Variants in DLG2 observed in about 807,000 individuals in gnomAD.
DLG2 encodes the protein discs large MAGUK scaffold protein 2, also known as disks large homolog 2.
DLG2 carries 45 observed loss-of-function variants against 132.5 expected under a neutral mutation model. The observed-to-expected ratio is 0.34, with a 90% confidence interval of 0.27 to 0.44. The LOEUF is 0.44. Ranked by LOEUF, DLG2 falls within the 20% of genes least tolerant of loss-of-function variation. The probability of loss-of-function intolerance (pLI) is 1.00; values close to 1 mark genes in which losing one functional copy is unlikely to be tolerated. For missense variants in DLG2, 1,045 were observed against 1,196.9 expected (o/e 0.87, Z 1.87); for synonymous variants, 424 against 419.6 (o/e 1.01, Z -0.13).
intron 7 of DLG2, among the ~76,000 whole-genome samples, chr11:84,501,393 C>A (rs138579602): frequency 6.6e-6 from 1 of 152,176 alleles, no homozygotes; most frequent in East Asian, 1.9e-4. Context: ...GGCGAAAACC[C>A]GTCTTGACTA....
intron 3 of DLG2, among the ~76,000 whole-genome samples, chr11:85,548,858 G>A (rs1389404403): frequency 1.3e-5 from 2 of 152,110 alleles, no homozygotes; most frequent in Non-Finnish European, 2.9e-5. Flanking sequence ...CTCGAGCATC[G>A]CGGGTCAAGC....
At chr11:85,373,646 A>C (rs2085166200) in intron 3 of DLG2, among the ~76,000 whole-genome samples, 1 of 152,150 alleles carries the variant, frequency 6.6e-6, no homozygotes, top group Non-Finnish European at 1.5e-5. Context: ...CTGCAATTCA[A>C]GAGGCAGGCA....
intron 4 of DLG2, among the ~76,000 whole-genome samples, chr11:85,279,405 CAG>C (rs2078095133): frequency 6.6e-6 from 1 of 152,044 alleles, no homozygotes; most frequent in Non-Finnish European, 1.5e-5. Flanking sequence ...AGAAAGGAAA[CAG>C]AAGGGAAAAC....
At chr11:85,017,492 A>G (rs1301665574) in intron 6 of DLG2, among the ~76,000 whole-genome samples, 3 of 152,004 alleles carry the variant, frequency 2.0e-5, no homozygotes, top group African/African-American at 7.2e-5. Flanking sequence ...AAACTAATTG[A>G]CTCATCTTTA....
chr11:84,727,121 T>C (rs948003446), intron 6 of DLG2, among the ~76,000 whole-genome samples: 7 of 152,236 alleles, frequency 4.6e-5, no homozygotes, highest in African/African-American at 1.7e-4. Context: ...TTTGTCAATT[T>C]TGGCTTTTGT....
chr11:85,389,829 C>A (rs1257707936), intron 3 of DLG2, among the ~76,000 whole-genome samples: 2 of 152,118 alleles, frequency 1.3e-5, no homozygotes, highest in African/African-American at 4.8e-5. Flanking sequence ...TTCTCCACTA[C>A]CAAGCCAGCA....
rs1191725907 is a variant in DLG2, at chr11:85,392,865, C to T, written c.41-107500G>A. ...GACTGAAATATAAGAGCTGAAACCA[C>T]AAAAATTCTAGAAGATAACATCGGA... On this transcript the variant is annotated intron_variant, in intron 3 of 27. Coordinates refer to ENST00000376104, the MANE Select transcript of DLG2 (RefSeq NM_001142699.3). Among the ~76,000 whole-genome samples the T allele has an allele frequency of 2.0e-5, 3 of 152,120 alleles. No homozygotes were observed. In the South Asian group the frequency reaches 6.2e-4, roughly 32 times the overall value.
chr11:85,472,210 C>T (rs534999578), intron 3 of DLG2, among the ~76,000 whole-genome samples: 1 of 152,324 alleles, frequency 6.6e-6, no homozygotes, highest in South Asian at 2.1e-4. Flanking sequence ...ATTCTGAGCC[C>T]ATAAAAACCT....
intron 3 of DLG2, among the ~76,000 whole-genome samples, chr11:85,361,815 A>G (rs956281656): frequency 2.0e-5 from 3 of 151,854 alleles, no homozygotes; most frequent in Non-Finnish European, 2.9e-5. Flanking sequence ...GAATTTGGGG[A>G]TTGTTTTTTC....
rs1427627660 is a variant in DLG2 at position 84,105,602 on chromosome 11, T to C, written c.625-6555A>G. 5.3e-5 allele frequency among the ~76,000 whole-genome samples: 8 copies of C among 152,162 alleles called. No homozygotes were observed. In the East Asian group the frequency reaches 1.5e-3, roughly 29 times the overall value. On this transcript the variant is annotated intron_variant, in intron 9 of 27. Transcript: ENST00000376104. The stretch of plus-strand genomic sequence containing the variant: ...TGCATTTTAACCTACACTGATAATA[T>C]ATGTTACTTTTCTTTGTTAAAACAA...
intron 6 of DLG2, among the ~76,000 whole-genome samples, chr11:84,719,157 G>A (rs1000232548): frequency 7.2e-5 from 11 of 152,026 alleles, no homozygotes; most frequent in Admixed American, 2.0e-4. Context: ...CAATTTTTCC[G>A]TTAAGCTTAC....
At chr11:84,060,072 G>A (rs962255665) in intron 10 of DLG2, among the ~76,000 whole-genome samples, 1 of 152,092 alleles carries the variant, frequency 6.6e-6, no homozygotes, top group African/African-American at 2.4e-5. Context: ...CAGCACTTTG[G>A]GAGGCCAAGG....
At chr11:84,220,900 T>C (rs534747587) in intron 8 of DLG2, among the ~76,000 whole-genome samples, 2 of 148,164 alleles carry the variant, frequency 1.3e-5, no homozygotes, top group South Asian at 2.2e-4. Context: ...CCCACCTTAG[T>C]CTCCTAAGTA....
At chr11:83,693,079 A>C (rs1307368692) in intron 18 of DLG2, 4 of 152,184 alleles carry the variant, frequency 2.6e-5, no homozygotes, top group Admixed American at 1.3e-4. Context: ...AAAGTAAATA[A>C]GCTTCTAATT....
chr11:84,752,336 G>GA (rs2066238584), intron 6 of DLG2, among the ~76,000 whole-genome samples: 1 of 152,286 alleles, frequency 6.6e-6, no homozygotes, highest in Middle Eastern at 3.4e-3. Context: ...TCTAATGAAA[G>GA]AAACAGCCAA....
At chr11:84,168,314 T>C (rs1191112311) in intron 8 of DLG2, among the ~76,000 whole-genome samples, 1 of 152,246 alleles carries the variant, frequency 6.6e-6, no homozygotes, top group Non-Finnish European at 1.5e-5. Flanking sequence ...GTCGTTTACA[T>C]AGATTAAGTC....
rs116545593 is a variant in DLG2 at position 84,236,308 on chromosome 11, G to A, written c.573+14930C>T. Among the ~76,000 whole-genome samples, 1,127 of 152,318 alleles carry A rather than the reference G, an allele frequency of 7.4e-3. 11 individuals are homozygous for A. Among genetic ancestry groups the A allele is most frequent in the African/African-American group, 0.026 (1,065 of 41,570 alleles). ...TGTGCAATAGACATTCAAAGACAGGGAAATATCAGTGAGGTTGGTTGTCAG... is the reference window on the plus strand; with the variant it reads ...TGTGCAATAGACATTCAAAGACAGGAAAATATCAGTGAGGTTGGTTGTCAG... On this transcript the variant is annotated intron_variant, in intron 8 of 27. Transcript: ENST00000376104.
intron 3 of DLG2, among the ~76,000 whole-genome samples, chr11:85,397,519 G>A (rs1488525490): frequency 6.6e-6 from 1 of 152,162 alleles, no homozygotes; most frequent in Non-Finnish European, 1.5e-5. Context: ...TTGGTATGCT[G>A]TATTCAGGAG....
chr11:83,806,055 A>T (rs1168600982), intron 17 of DLG2, among the ~76,000 whole-genome samples: 1 of 152,046 alleles, frequency 6.6e-6, no homozygotes, highest in African/African-American at 2.4e-5. Flanking sequence ...CTTGGGCCTA[A>T]CTTCCTCCTC....
Sources: allele counts gnomAD v4.1 joint callset (sites outside exome capture counted in the v4.1 genomes callset), GRCh38; gene constraint gnomAD v4.1.1; transcripts MANE v1.5; gene names NCBI Gene and HGNC (gene_info 2026-07-23, HGNC 2026-07-21).